Variants in POM121C observed in about 807,000 individuals in gnomAD.
POM121C encodes the protein POM121 transmembrane nucleoporin C, also known as nuclear envelope pore membrane protein POM 121C.
In POM121C, 20 loss-of-function variants were observed where a neutral mutation model predicts 66.4. The observed-to-expected ratio is 0.30, with a 90% CI of 0.21 to 0.44. The LOEUF is 0.44. POM121C is among the 20% of genes least tolerant of loss of function. The pLI is 1.00. For missense variants in POM121C, 580 were observed against 1,225.7 expected (o/e 0.47, Z 7.87); for synonymous variants, 286 against 528.0 (o/e 0.54, Z 6.28).
chr7:75,486,229 G>A lies in POM121C; in HGVS notation c.-823C>T, dbSNP rs1293883570. On this transcript the variant is annotated 5_prime_UTR_variant, in exon 1 of 15. It adds an upstream start codon to the 5' untranslated region. Coordinates refer to ENST00000615331, the MANE Select transcript of POM121C (RefSeq NM_001099415.3). ...CAGCCCCGCAGACTCGGTGATTCTC[G>A]TCCACTAGAAGCCAAAGCCTGGGAA... 8 of 285,114 alleles carry A rather than the reference G, an allele frequency of 2.8e-5. No homozygotes were observed. The highest frequency in any genetic ancestry group is 1.7e-4 in the African/African-American group (7 of 42,024). 17.7% of individuals were successfully genotyped at this position (285,114 alleles called of 1,614,324 possible).
intron 3 of POM121C, chr7:75,442,675 C>G: frequency 7.0e-7 from 1 of 1,437,756 alleles, no homozygotes; most frequent in Non-Finnish European, 9.1e-7. Context: ...TCGCTATCGG[C>G]CGCCGCCGCT....
At position 75,441,485 on chromosome 7, in the gene POM121C, G is replaced by A. The variant is rs1450288041; in HGVS notation, c.12C>T (p.Ser4=). The A allele has an allele frequency of 8.7e-6, 14 of 1,613,884 alleles. No individual in the cohort carries two copies. Among genetic ancestry groups the A allele is most frequent in the Non-Finnish European group, 1.1e-5 (13 of 1,179,826 alleles). MVC[S]PVTVRIAPPD... is the part of the protein sequence containing the mutation. ...GAGGGGCGATCCTCACAGTCACTGG[G>A]CTACACACCATCCTGGAGTTGCGAG... Residue 4 remains serine, a synonymous_variant, in exon 4 of 15, where the codon AGC becomes AGT. Transcript: ENST00000615331.
chr7:75,421,939 C>G lies in POM121C; in HGVS notation c.2313G>C (p.Thr771=). The G allele has an allele frequency of 6.2e-7, 1 of 1,613,560 alleles. No homozygotes were observed. Among genetic ancestry groups the G allele is most frequent in the South Asian group, 1.1e-5 (1 of 91,076 alleles). ...TGGCTTTCAATCCAAACGCCGAGTG[C>G]GTGGCACCGCCAAAGGTAGGCTGGA... ...TPIQPTFGGA[T]HSAFGLKATA... The change falls in exon 13 of 15, where the codon ACG becomes ACC. Residue 771 remains threonine (T), a synonymous_variant. Coordinates refer to ENST00000615331, the MANE Select transcript of POM121C (RefSeq NM_001099415.3).
At chr7:75,425,399 C>A (rs1554471590) in intron 9 of POM121C, 3 of 914,388 alleles carry the variant, frequency 3.3e-6, no homozygotes, top group African/African-American at 3.4e-5. Context: ...TTACTGGGAT[C>A]ACCCACAGGT....
At chr7:75,436,307 C>G (rs1457069592) in intron 7 of POM121C, among the ~76,000 whole-genome samples, 1 of 152,060 alleles carries the variant, frequency 6.6e-6, no homozygotes, top group Non-Finnish European at 1.5e-5. Context: ...AAGAAACAAC[C>G]AACTTCAGTA....
Position 75,449,335 on chromosome 7 carries a change from T to C in POM121C, c.-151-7688A>G, listed in dbSNP as rs1389854454. Among the ~76,000 whole-genome samples, 5 of 150,504 alleles carry C rather than the reference T, an allele frequency of 3.3e-5. No individual in the cohort carries two copies. The East Asian group carries it at 5.9e-4, about 18-fold the overall frequency. ...ACAGGACTGGGGCAAAACCTGACAG[T>C]TGAGACTCACAACACTCCACTGTTC... On this transcript the variant is annotated intron_variant, in intron 3 of 14. Transcript: ENST00000615331.
intron 3 of POM121C, among the ~76,000 whole-genome samples, chr7:75,449,644 GGT>G (rs1415366174): frequency 6.6e-6 from 1 of 152,114 alleles, no homozygotes; most frequent in Non-Finnish European, 1.5e-5. Context: ...TGGGATTACA[GGT>G]GTGAGCTACC....
intron 3 of POM121C, chr7:75,442,782 C>A: frequency 7.8e-7 from 1 of 1,280,202 alleles, no homozygotes; most frequent in Non-Finnish European, 9.8e-7. Flanking sequence ...CGCGTCGCGT[C>A]ATCGCGCGCC....
At chr7:75,432,957 G>T (rs1284880743) in intron 7 of POM121C, among the ~76,000 whole-genome samples, 6 of 152,102 alleles carry the variant, frequency 3.9e-5, no homozygotes, top group Non-Finnish European at 2.9e-5. Flanking sequence ...ACAGTAGACT[G>T]GGCACGGTGG....
intron 3 of POM121C, among the ~76,000 whole-genome samples, chr7:75,458,220 T>C (rs1215766110): frequency 6.6e-6 from 1 of 151,896 alleles, no homozygotes; most frequent in African/African-American, 2.4e-5. Flanking sequence ...CAATGTGGAA[T>C]ACTCTGAGGT....
chr7:75,452,233 G>T (rs1554475633), intron 3 of POM121C, among the ~76,000 whole-genome samples: 1 of 151,642 alleles, frequency 6.6e-6, no homozygotes. Flanking sequence ...CAAGGCAGGC[G>T]GATCACCTGA....
chr7:75,468,133 AAAAAAAAAAAAAAAAAAAAG>A (rs1282464817), intron 3 of POM121C, among the ~76,000 whole-genome samples: 41 of 91,406 alleles, frequency 4.5e-4, no homozygotes, highest in Admixed American at 1.2e-3. Context: ...GTCTAAAAAA[AAAAAAAAAAAAAAAAAAAAG>A]AAAAGAAAAG....
Position 75,439,193 on chromosome 7 carries a change from C to T in POM121C, c.259G>A (p.Ala87Thr). ...CCACTGGCCACCAGGGGCTCAAATG[C>T]TGAATGTCCACTGCCACTGCTATCA... ...RHDSSGSGHS[A>T]FEPLVASGVP... Residue 87 changes from alanine to threonine, a missense_variant, in exon 6 of 15, where the codon GCA becomes ACA. Physicochemically the swap from Ala to Thr is moderately conservative, Grantham distance 58. Transcript: ENST00000615331. The T allele has an allele frequency of 2.5e-6, 4 of 1,614,232 alleles. No individual in the cohort carries two copies. Among genetic ancestry groups the T allele is most frequent in the Non-Finnish European group, 3.4e-6 (4 of 1,180,028 alleles).
intron 3 of POM121C, chr7:75,442,677 G>A (rs1471746055): frequency 5.6e-6 from 8 of 1,428,114 alleles, no homozygotes; most frequent in East Asian, 3.0e-5. Flanking sequence ...GCTATCGGCC[G>A]CCGCCGCTCG....
At chr7:75,427,261 TA>T (rs1356984322) in intron 7 of POM121C, among the ~76,000 whole-genome samples, 17 of 148,912 alleles carry the variant, frequency 1.1e-4, no homozygotes, top group African/African-American at 3.7e-4. Flanking sequence ...CCATCTCTAC[TA>T]AAAATACAAA....
chr7:75,447,438 CAT>C (rs1266662136), intron 3 of POM121C, among the ~76,000 whole-genome samples: 1 of 149,114 alleles, frequency 6.7e-6, no homozygotes, highest in Non-Finnish European at 1.5e-5. Context: ...GAAAATAGTA[CAT>C]GTTATTTTAC....
At chr7:75,471,527 G>A (rs797028456) in intron 3 of POM121C, among the ~76,000 whole-genome samples, 4 of 152,150 alleles carry the variant, frequency 2.6e-5, no homozygotes, top group African/African-American at 7.2e-5. Context: ...AACACAAAAC[G>A]GGGGCAGGGG....
chr7:75,463,045 G>A (rs779513362), intron 3 of POM121C, among the ~76,000 whole-genome samples: 174 of 152,248 alleles, frequency 1.1e-3, no homozygotes, highest in Non-Finnish European at 2.0e-3. Flanking sequence ...AGACTGGGCC[G>A]GGTGCGGTGG....
At chr7:75,458,473 A>G (rs1791325925) in intron 3 of POM121C, among the ~76,000 whole-genome samples, 2 of 151,430 alleles carry the variant, frequency 1.3e-5, no homozygotes, top group South Asian at 4.2e-4. Flanking sequence ...AGCTGCAGTG[A>G]GCTATGACTG....
Sources: gnomAD v4.1 joint callset for allele counts (sites outside exome capture counted in the v4.1 genomes callset) on GRCh38, gnomAD v4.1.1 for gene constraint, MANE v1.5 for transcripts, NCBI Gene and HGNC (gene_info 2026-07-23, HGNC 2026-07-21) for gene names.